Variants in PRIM2 observed in about 807,000 individuals in gnomAD.
PRIM2 encodes DNA primase subunit 2.
PRIM2 carries 39 observed loss-of-function variants against 67.3 expected under a neutral mutation model. The observed-to-expected ratio is 0.58, with a 90% CI of 0.45 to 0.76. The LOEUF is 0.76. PRIM2 is among the 30% of genes least tolerant of loss of function. The probability of loss-of-function intolerance (pLI) is 0.00; values close to 1 mark genes in which losing one functional copy is unlikely to be tolerated. For missense variants in PRIM2, 398 were observed against 598.7 expected (o/e 0.66, Z 3.50); for synonymous variants, 143 against 198.7 (o/e 0.72, Z 2.36).
chr6:57,383,602 G>C (rs1430315914), intron 7 of PRIM2: 1 of 150,984 alleles, frequency 6.6e-6, no homozygotes. Context: ...AAGGCATGTG[G>C]GATGAAGTAG....
chr6:57,569,924 A>G (rs1775829909), intron 10 of PRIM2, among the ~76,000 whole-genome samples: 1 of 152,042 alleles, frequency 6.6e-6, no homozygotes, highest in Non-Finnish European at 1.5e-5. Flanking sequence ...TTGTATTTTT[A>G]GTAGAGACAG....
At chr6:57,371,471 G>T (rs1769556143) in intron 5 of PRIM2, among the ~76,000 whole-genome samples, 1 of 151,984 alleles carries the variant, frequency 6.6e-6, no homozygotes, top group Admixed American at 6.6e-5. Flanking sequence ...TTTATTGCTG[G>T]GTAAAAGGTG....
chr6:57,317,657 A>G lies in PRIM2; in HGVS notation c.-54A>G, dbSNP rs950367218. ...ATGAACTCTCCCGCCACCCGGGAACAGTGGCTGCCACCGTTTGTGTTTTCC... is the reference window on the plus strand; with the variant it reads ...ATGAACTCTCCCGCCACCCGGGAACGGTGGCTGCCACCGTTTGTGTTTTCC... On this transcript the variant is annotated 5_prime_UTR_variant, in exon 1 of 14. Coordinates refer to ENST00000615550, the MANE Select transcript of PRIM2 (RefSeq NM_000947.5). The G allele has an allele frequency of 3.3e-5, 5 of 152,742 alleles. No individual in the cohort carries two copies. The highest frequency in any genetic ancestry group is 1.2e-4 in the African/African-American group (5 of 41,452). 9.5% of individuals were successfully genotyped at this position (152,742 alleles called of 1,614,324 possible).
At position 57,611,879 on chromosome 6, in the gene PRIM2, T is replaced by C. The variant is rs1302351393; in HGVS notation, c.1230+5422T>C. 2.2e-4 allele frequency among the ~76,000 whole-genome samples: 34 copies of C among 152,042 alleles called. No homozygotes were observed. In the Middle Eastern group the frequency reaches 0.01, roughly 46 times the overall value. On this transcript the variant is annotated intron_variant, in intron 12 of 13. Coordinates refer to ENST00000615550, the MANE Select transcript of PRIM2 (RefSeq NM_000947.5). ...ATAAAAGATGTGAATCCAAAAGATA[T>C]AAAGAACTCTCAAAACTCAGTAACT...
At chr6:57,601,700 G>A (rs1480207010) in intron 11 of PRIM2, among the ~76,000 whole-genome samples, 2 of 152,082 alleles carry the variant, frequency 1.3e-5, no homozygotes, top group African/African-American at 4.8e-5. Context: ...AACATGTCGT[G>A]ATATCTGCCA....
At chr6:57,607,058 A>G (rs1776576850) in intron 12 of PRIM2, among the ~76,000 whole-genome samples, 1 of 152,164 alleles carries the variant, frequency 6.6e-6, no homozygotes. Flanking sequence ...AGCAAAGACT[A>G]TTTTCTATAG....
At chr6:57,357,356 G>A (rs1284201570) in intron 5 of PRIM2, among the ~76,000 whole-genome samples, 2 of 152,056 alleles carry the variant, frequency 1.3e-5, no homozygotes, top group Non-Finnish European at 2.9e-5. Context: ...TTTGTAATAA[G>A]TTACCTCAAG....
intron 11 of PRIM2, among the ~76,000 whole-genome samples, chr6:57,603,441 C>CCTTT (rs1379316760): frequency 0.32 from 48,529 of 151,758 alleles, 7,682 homozygotes; most frequent in East Asian, 0.44. Context: ...GAATAGGAGT[C>CCTTT]CTTTCTCCAT....
chr6:57,544,232 G>A (rs1775238825), intron 10 of PRIM2, among the ~76,000 whole-genome samples: 1 of 151,814 alleles, frequency 6.6e-6, no homozygotes, highest in Non-Finnish European at 1.5e-5. Flanking sequence ...TTTATGGCGC[G>A]GTTGGAATGT....
intron 7 of PRIM2, among the ~76,000 whole-genome samples, chr6:57,483,559 T>G (rs1773679814): frequency 6.6e-6 from 1 of 151,806 alleles, no homozygotes; most frequent in Non-Finnish European, 1.5e-5. Flanking sequence ...GAAGCTAGTA[T>G]TTTTCAGTAA....
intron 12 of PRIM2, among the ~76,000 whole-genome samples, chr6:57,620,808 A>G (rs1481051102): frequency 0.18 from 26,542 of 151,558 alleles, 1,344 homozygotes; most frequent in African/African-American, 0.22. Flanking sequence ...AGAACTCATC[A>G]ACCAACAATC....
At chr6:57,560,799 A>C (rs1775612258) in intron 10 of PRIM2, among the ~76,000 whole-genome samples, 1 of 152,152 alleles carries the variant, frequency 6.6e-6, no homozygotes, top group African/African-American at 2.4e-5. Context: ...TTAACTGTTC[A>C]GTAAACTCTG....
chr6:57,339,510 A>G (rs564512373), intron 5 of PRIM2, among the ~76,000 whole-genome samples: 2 of 152,300 alleles, frequency 1.3e-5, no homozygotes, highest in East Asian at 1.9e-4. Context: ...AAACAGAGAT[A>G]TAGATCAATG....
At chr6:57,222,251 GT>G in the PRIM2 span, 1 of 152,610 alleles carries the variant, frequency 6.6e-6, no homozygotes, top group African/African-American at 2.4e-5. Flanking sequence ...GCCGGGGGTG[GT>G]GGGGCGCGGG....
chr6:57,295,783 A>G, the PRIM2 span, among the ~76,000 whole-genome samples: 1 of 152,212 alleles, frequency 6.6e-6, no homozygotes, highest in Non-Finnish European at 1.5e-5. Context: ...TGAATGTGTC[A>G]TCTTCTTCCT....
chr6:57,349,362 T>C (rs1323873404), intron 5 of PRIM2, among the ~76,000 whole-genome samples: 1 of 150,770 alleles, frequency 6.6e-6, no homozygotes, highest in African/African-American at 2.4e-5. Flanking sequence ...ATTCCCGATG[T>C]TTTTGCTGAT....
intron 12 of PRIM2, among the ~76,000 whole-genome samples, chr6:57,620,263 A>G (rs1308820546): frequency 6.6e-6 from 1 of 152,236 alleles, no homozygotes; most frequent in Non-Finnish European, 1.5e-5. Flanking sequence ...CATTGTCATC[A>G]GGTTATCCAA....
the PRIM2 span, among the ~76,000 whole-genome samples, chr6:57,280,563 G>A: frequency 6.6e-6 from 1 of 152,032 alleles, no homozygotes; most frequent in Non-Finnish European, 1.5e-5. Flanking sequence ...AGGCTGGAGT[G>A]CAACGGCATG....
At chr6:57,406,788 CT>C (rs1770905535) in intron 7 of PRIM2, among the ~76,000 whole-genome samples, 1 of 151,958 alleles carries the variant, frequency 6.6e-6, no homozygotes. Context: ...TTTTTCATGC[CT>C]ACATTTTAAA....
Sources: gnomAD v4.1 joint callset for allele counts (sites outside exome capture counted in the v4.1 genomes callset) on GRCh38, gnomAD v4.1.1 for gene constraint, MANE v1.5 for transcripts, NCBI Gene and HGNC (gene_info 2026-07-23, HGNC 2026-07-21) for gene names.